The following ADARB2 variants were observed in gnomAD, a reference collection of about 807,000 sequenced individuals.
The protein encoded by ADARB2 is inactive double-stranded RNA-specific editase B2.
In ADARB2, 25 loss-of-function variants were observed where a neutral mutation model predicts 62.2. The observed-to-expected ratio is 0.40, with a 90% confidence interval of 0.29 to 0.56. The LOEUF (loss-of-function observed/expected upper bound fraction) is 0.56. Ranked by LOEUF, ADARB2 falls within the 20% of genes least tolerant of loss-of-function variation. The pLI is 0.43. For missense variants in ADARB2, 1,071 were observed against 1,077.4 expected (o/e 0.99, Z 0.08); for synonymous variants, 572 against 500.8 (o/e 1.14, Z -1.90).
At chr10:1,209,580 C>CCCA (rs1837120947) in intron 7 of ADARB2, among the ~76,000 whole-genome samples, 8 of 151,128 alleles carry the variant, frequency 5.3e-5, no homozygotes, top group Middle Eastern at 3.2e-3. Flanking sequence ...ATCACCCACA[C>CCCA]TCTCACCATC....
chr10:1,408,168 G>T (rs2131876974), intron 1 of ADARB2, among the ~76,000 whole-genome samples: 1 of 152,216 alleles, frequency 6.6e-6, no homozygotes, highest in East Asian at 1.9e-4. Context: ...TGCTTTACAT[G>T]GTTTGGCAAT....
At chr10:1,648,964 C>T (rs1834077989) in intron 1 of ADARB2, among the ~76,000 whole-genome samples, 1 of 152,174 alleles carries the variant, frequency 6.6e-6, no homozygotes, top group Non-Finnish European at 1.5e-5. Context: ...TACTCAGCAC[C>T]AGGCGGGCTG....
At chr10:1,708,331 C>T (rs1034201211) in intron 1 of ADARB2, among the ~76,000 whole-genome samples, 22 of 152,158 alleles carry the variant, frequency 1.4e-4, no homozygotes, top group Non-Finnish European at 7.4e-5. Flanking sequence ...GCAGTTTAAC[C>T]AGGGCAGACC....
At chr10:1,568,445 G>A (rs372947530) in intron 1 of ADARB2, among the ~76,000 whole-genome samples, 1 of 152,154 alleles carries the variant, frequency 6.6e-6, no homozygotes, top group Non-Finnish European at 1.5e-5. Context: ...CTTCTCACCA[G>A]TCAACCTGCC....
At chr10:1,341,505 A>T (rs1198226288) in intron 3 of ADARB2, among the ~76,000 whole-genome samples, 1 of 145,672 alleles carries the variant, frequency 6.9e-6, no homozygotes, top group African/African-American at 2.7e-5. Context: ...CATCCACCAG[A>T]GAACCACATG....
At chr10:1,312,175 C>T (rs1167941268) in intron 3 of ADARB2, among the ~76,000 whole-genome samples, 2 of 152,250 alleles carry the variant, frequency 1.3e-5, no homozygotes, top group African/African-American at 4.8e-5. Context: ...TTCACTGACT[C>T]TTGCTTCTCC....
chr10:1,325,920 T>G (rs899110652), intron 3 of ADARB2, among the ~76,000 whole-genome samples: 5 of 151,040 alleles, frequency 3.3e-5, no homozygotes, highest in African/African-American at 1.2e-4. Context: ...ATTCTCCTGT[T>G]TAAACTCCTA....
At chr10:1,635,753 G>A (rs1028084695) in intron 1 of ADARB2, among the ~76,000 whole-genome samples, 1 of 152,132 alleles carries the variant, frequency 6.6e-6, no homozygotes, top group African/African-American at 2.4e-5. Context: ...CATGTTGAGC[G>A]ATTCTGGTCC....
intron 1 of ADARB2, among the ~76,000 whole-genome samples, chr10:1,658,127 G>A (rs1266743444): frequency 6.8e-6 from 1 of 146,970 alleles, no homozygotes. Flanking sequence ...TCTGTCTGAT[G>A]CTGTCTCTCT....
At chr10:1,288,794 C>T (rs1831437065) in intron 3 of ADARB2, among the ~76,000 whole-genome samples, 1 of 152,238 alleles carries the variant, frequency 6.6e-6, no homozygotes, top group Non-Finnish European at 1.5e-5. Context: ...TTTCCCCACT[C>T]CCTGAATAGG....
At chr10:1,587,340 G>T (rs1476060658) in intron 1 of ADARB2, among the ~76,000 whole-genome samples, 1 of 152,204 alleles carries the variant, frequency 6.6e-6, no homozygotes, top group African/African-American at 2.4e-5. Flanking sequence ...AAGGGGAACG[G>T]CTGAGGTTCC....
At chr10:1,353,996 C>T (rs554137238) in intron 3 of ADARB2, among the ~76,000 whole-genome samples, 23 of 152,230 alleles carry the variant, frequency 1.5e-4, no homozygotes, top group African/African-American at 5.5e-4. Context: ...CAGGCCATCA[C>T]CAATAATTCT....
chr10:1,726,121 A>G (rs962888671), intron 1 of ADARB2, among the ~76,000 whole-genome samples: 1 of 152,230 alleles, frequency 6.6e-6, no homozygotes, highest in African/African-American at 2.4e-5. Context: ...TGCTGCAGCC[A>G]ATATTCCTGT....
chr10:1,604,799 G>A (rs1045806682), intron 1 of ADARB2, among the ~76,000 whole-genome samples: 5 of 152,124 alleles, frequency 3.3e-5, no homozygotes, highest in African/African-American at 9.7e-5. Flanking sequence ...ATTTTATTTG[G>A]TTCTAGATTC....
chr10:1,369,652 A>G (rs2820610), intron 2 of ADARB2, among the ~76,000 whole-genome samples: 8,619 of 152,236 alleles, frequency 0.057, 827 homozygotes, highest in African/African-American at 0.19. Context: ...TATACACAAT[A>G]AAATACATTT....
chr10:1,456,365 G>T (rs1831095991), intron 1 of ADARB2, among the ~76,000 whole-genome samples: 1 of 152,106 alleles, frequency 6.6e-6, no homozygotes, highest in Non-Finnish European at 1.5e-5. Flanking sequence ...ACCAGCAACG[G>T]CTCCTGGAGG....
intron 1 of ADARB2, among the ~76,000 whole-genome samples, chr10:1,563,991 T>C (rs977786743): frequency 5.5e-4 from 83 of 150,516 alleles, no homozygotes; most frequent in Middle Eastern, 6.8e-3. Flanking sequence ...TAGTATTCCA[T>C]GGTGTATATG....
chr10:1,356,586 T>TG (rs1832198149), intron 3 of ADARB2, among the ~76,000 whole-genome samples: 1 of 152,160 alleles, frequency 6.6e-6, no homozygotes, highest in African/African-American at 2.4e-5. Flanking sequence ...GGAGGGGAGT[T>TG]GGGGCTTTCA....
Position 1,423,463 on chromosome 10 carries a change from C to T in ADARB2, c.101-44303G>A, listed in dbSNP as rs1188762389. Among the ~76,000 whole-genome samples, 6 of 151,648 alleles carry T rather than the reference C, an allele frequency of 4.0e-5. No individual in the cohort carries two copies. The South Asian group carries it at 6.2e-4, about 16-fold the overall frequency. On this transcript the variant is annotated intron_variant, in intron 1 of 9. Transcript: ENST00000381312. The stretch of plus-strand genomic sequence containing the variant: ...CTTGGTCCTGGCAGTGTGGCTGCTG[C>T]GTGTTCATGGTGCTAGGGGGACTCA...
Sources: allele counts gnomAD v4.1 joint callset (sites outside exome capture counted in the v4.1 genomes callset), GRCh38; gene constraint gnomAD v4.1.1; transcripts MANE v1.5; gene names NCBI Gene and HGNC (gene_info 2026-07-23, HGNC 2026-07-21).